Variants in ZNF277 observed in about 807,000 individuals in gnomAD.
ZNF277 encodes zinc finger protein 277.
ZNF277 carries 55 observed loss-of-function variants against 60.7 expected under a neutral mutation model. The ratio of observed to expected loss-of-function variants is 0.91; its 90% CI spans 0.73 to 1.13. The LOEUF (loss-of-function observed/expected upper bound fraction) is 1.13. Ranked by LOEUF, ZNF277 falls within the 50% of genes most tolerant of loss-of-function variation. ZNF277 has a pLI of 0.00. For synonymous variants in ZNF277, 178 were observed against 179.3 expected (o/e 0.99, Z 0.06); for missense variants, 510 against 523.0 (o/e 0.98, Z 0.24).
chr7:112,231,403 C>T (rs1410011311), intron 1 of ZNF277, among the ~76,000 whole-genome samples: 2 of 152,030 alleles, frequency 1.3e-5, no homozygotes, highest in Non-Finnish European at 2.9e-5. Flanking sequence ...ACTGCAAATC[C>T]TTTGTTCTGT....
chr7:112,248,509 T>C (rs1246687634), intron 1 of ZNF277, among the ~76,000 whole-genome samples: 1 of 152,062 alleles, frequency 6.6e-6, no homozygotes, highest in African/African-American at 2.4e-5. Context: ...TAATAATGCA[T>C]TTATAATAAC....
intron 2 of ZNF277, among the ~76,000 whole-genome samples, chr7:112,289,606 T>C (rs1792158296): frequency 6.6e-6 from 1 of 152,238 alleles, no homozygotes; most frequent in Admixed American, 6.5e-5. Flanking sequence ...CCCAGTTATA[T>C]GTGGTGAGAT....
intron 7 of ZNF277, among the ~76,000 whole-genome samples, chr7:112,333,249 G>A (rs540183723): frequency 2.6e-5 from 4 of 152,002 alleles, no homozygotes; most frequent in Non-Finnish European, 5.9e-5. Flanking sequence ...TGTTATATTA[G>A]TAGTGGGTTT....
At position 112,267,043 on chromosome 7, in the gene ZNF277, G is replaced by A. The variant is rs140779014; in HGVS notation, c.92-19830G>A. Reference sequence around the variant, plus strand: ...GTTTTCACAGGAAGGTAGGTGGGGGGTGGTAATAATGCTTCCCAAAGTATT... The same window carrying A: ...GTTTTCACAGGAAGGTAGGTGGGGGATGGTAATAATGCTTCCCAAAGTATT... On this transcript the variant is annotated intron_variant, in intron 1 of 11. Transcript: ENST00000361822. Among the ~76,000 whole-genome samples, 1,350 of 152,174 alleles carry A rather than the reference G, an allele frequency of 8.9e-3. 5 individuals carry two copies. Among genetic ancestry groups the A allele is most frequent in the Middle Eastern group, 0.02 (6 of 294 alleles).
At chr7:112,256,475 A>G (rs563236269) in intron 1 of ZNF277, among the ~76,000 whole-genome samples, 95 of 138,812 alleles carry the variant, frequency 6.8e-4, no homozygotes, top group African/African-American at 2.7e-3. Flanking sequence ...TGTCACCCAG[A>G]CTAGAGTGCA....
chr7:112,339,795 A>G (rs1487971682), intron 9 of ZNF277, 48 bp from the exon 10 acceptor site: 1 of 1,564,006 alleles, frequency 6.4e-7, no homozygotes, highest in Admixed American at 1.7e-5. Context: ...TTCAGCCTGA[A>G]AGATTAAATA....
chr7:112,317,278 C>T (rs1266713378), intron 4 of ZNF277, among the ~76,000 whole-genome samples: 2 of 151,904 alleles, frequency 1.3e-5, no homozygotes, highest in Admixed American at 1.3e-4. Context: ...GCATGATCTG[C>T]ACATGTATCC....
intron 2 of ZNF277, among the ~76,000 whole-genome samples, chr7:112,289,965 A>C (rs1042909068): frequency 6.6e-6 from 1 of 152,004 alleles, no homozygotes; most frequent in African/African-American, 2.4e-5. Flanking sequence ...ACACGTATAC[A>C]TGTGCCATGC....
intron 1 of ZNF277, among the ~76,000 whole-genome samples, chr7:112,236,618 T>C (rs1319411965): frequency 6.6e-6 from 1 of 152,108 alleles, no homozygotes; most frequent in Non-Finnish European, 1.5e-5. Context: ...AATGGAAAAC[T>C]AGAATGATTG....
chr7:112,296,887 AT>A (rs1210305120), intron 4 of ZNF277, among the ~76,000 whole-genome samples: 1 of 55,268 alleles, frequency 1.8e-5, no homozygotes, highest in Non-Finnish European at 4.2e-5. Flanking sequence ...TCTTATTTTT[AT>A]TTTATTTATT....
intron 1 of ZNF277, among the ~76,000 whole-genome samples, chr7:112,278,495 A>G (rs1584371029): frequency 6.6e-6 from 1 of 152,294 alleles, no homozygotes; most frequent in South Asian, 2.1e-4. Flanking sequence ...AGTGATAGGA[A>G]CTAACCTATA....
chr7:112,289,936 C>T (rs1373377380), intron 2 of ZNF277, among the ~76,000 whole-genome samples: 1 of 151,900 alleles, frequency 6.6e-6, no homozygotes, highest in East Asian at 1.9e-4. Flanking sequence ...TACATGTGCA[C>T]ATTGTGCAGG....
intron 2 of ZNF277, among the ~76,000 whole-genome samples, chr7:112,289,542 ATG>A (rs775501168): frequency 6.6e-6 from 1 of 152,202 alleles, no homozygotes; most frequent in South Asian, 2.1e-4. Flanking sequence ...ATTAAAATAT[ATG>A]TGTGTGTATG....
chr7:112,286,175 T>G (rs1187156039), intron 1 of ZNF277, among the ~76,000 whole-genome samples: 1 of 152,172 alleles, frequency 6.6e-6, no homozygotes, highest in East Asian at 1.9e-4. Flanking sequence ...AGGAATAATA[T>G]AGCCAGGAAA....
chr7:112,315,063 G>T (rs563535168), intron 4 of ZNF277, among the ~76,000 whole-genome samples: 1 of 152,088 alleles, frequency 6.6e-6, no homozygotes, highest in South Asian at 2.1e-4. Context: ...TATATGTATG[G>T]GGAAAGTCCT....
At chr7:112,324,089 G>C (rs1793045133) in intron 5 of ZNF277, among the ~76,000 whole-genome samples, 1 of 152,170 alleles carries the variant, frequency 6.6e-6, no homozygotes, top group Admixed American at 6.5e-5. Context: ...TATAATACCA[G>C]TGCTACTTGA....
chr7:112,342,418 T>C (rs1191696658), intron 11 of ZNF277, 143 bp from the exon 12 acceptor site: 2 of 537,820 alleles, frequency 3.7e-6, no homozygotes, highest in African/African-American at 3.9e-5. Context: ...CAATCAGAAG[T>C]TGTCTCCAGT....
Position 112,206,699 on chromosome 7 carries a change from T to C in ZNF277, c.-18T>C. On this transcript the variant is annotated 5_prime_UTR_variant, in exon 1 of 12. Coordinates refer to ENST00000361822, the MANE Select transcript of ZNF277 (RefSeq NM_021994.3). ...TCCGACCCGCCCTGCGGCCCTCCCT[T>C]TTCTTTTCTGCCGGGTAATGGCTGC... The C allele has an allele frequency of 6.2e-7, 1 of 1,612,324 alleles. No homozygotes were observed. Among genetic ancestry groups the C allele is most frequent in the Non-Finnish European group, 8.5e-7 (1 of 1,179,432 alleles).
intron 1 of ZNF277, among the ~76,000 whole-genome samples, chr7:112,281,721 C>T (rs983759102): frequency 9.9e-5 from 15 of 151,836 alleles, no homozygotes; most frequent in East Asian, 1.9e-4. Context: ...TGAGTACCTT[C>T]GGTCCATTAT....
Sources: allele counts gnomAD v4.1 joint callset (sites outside exome capture counted in the v4.1 genomes callset), GRCh38; gene constraint gnomAD v4.1.1; transcripts MANE v1.5; gene names NCBI Gene and HGNC (gene_info 2026-07-23, HGNC 2026-07-21).